The following NALCN variants were observed in gnomAD, a reference collection of about 807,000 sequenced individuals.
NALCN encodes the protein sodium leak channel NALCN.
In NALCN, 111 loss-of-function variants were observed where a neutral mutation model predicts 225.3. The ratio of observed to expected loss-of-function variants is 0.49; its 90% CI spans 0.42 to 0.58. The LOEUF (loss-of-function observed/expected upper bound fraction) is 0.58. Among genes scored for constraint, NALCN ranks in the 20% least tolerant of loss-of-function variants. NALCN has a pLI of 0.00. For synonymous variants in NALCN, 764 were observed against 769.0 expected (o/e 0.99, Z 0.11); for missense variants, 1,378 against 2,202.4 (o/e 0.63, Z 7.49).
At chr13:101,286,246 T>C (rs770413585) in intron 9 of NALCN, among the ~76,000 whole-genome samples, 5 of 152,182 alleles carry the variant, frequency 3.3e-5, no homozygotes, top group Non-Finnish European at 5.9e-5. Flanking sequence ...TTCCTTTGTA[T>C]CTCTTTTCCC....
At chr13:101,234,410 T>C (rs2041470086) in intron 12 of NALCN, among the ~76,000 whole-genome samples, 1 of 152,222 alleles carries the variant, frequency 6.6e-6, no homozygotes, top group Non-Finnish European at 1.5e-5. Flanking sequence ...TAAACATTAC[T>C]TCATTTAAAT....
At position 101,237,764 on chromosome 13, in the gene NALCN, C is replaced by G. The variant is rs370195335; in HGVS notation, c.1425G>C (p.Thr475=). Residue 475 remains threonine (T), a synonymous_variant, in exon 12 of 44, where the codon ACG becomes ACC. Transcript: ENST00000251127. ...GCATTATTTTTATTACCTGAAAGTA[C>G]GTGAATTGTGAATGATAAAGATCTG... is the stretch of plus-strand genomic sequence containing the variant. ...VYPDLYHSQF[T]YFQVLRVVRL... is the part of the protein sequence containing the mutation. 2.8e-5 allele frequency: 44 copies of G among 1,570,528 alleles called. No individual in the cohort carries two copies. Among genetic ancestry groups the G allele is most frequent in the Non-Finnish European group, 3.8e-5 (44 of 1,162,812 alleles).
At chr13:101,182,486 A>G (rs535490277) in intron 14 of NALCN, among the ~76,000 whole-genome samples, 2 of 152,172 alleles carry the variant, frequency 1.3e-5, no homozygotes, top group Non-Finnish European at 2.9e-5. Context: ...AGTAGCATAA[A>G]CCTAATTTTA....
At chr13:101,412,932 T>C (rs555583780) in intron 1 of NALCN, among the ~76,000 whole-genome samples, 1 of 152,342 alleles carries the variant, frequency 6.6e-6, no homozygotes, top group East Asian at 1.9e-4. Flanking sequence ...TTTGAACTTT[T>C]ATAGTATTCC....
chr13:101,394,941 C>T (rs561495301), intron 3 of NALCN, among the ~76,000 whole-genome samples: 1 of 152,294 alleles, frequency 6.6e-6, no homozygotes, highest in East Asian at 1.9e-4. Flanking sequence ...TTAGTCAAAC[C>T]ATCTTGTTCC....
intron 6 of NALCN, among the ~76,000 whole-genome samples, chr13:101,356,844 T>A (rs1248256041): frequency 6.6e-6 from 1 of 152,068 alleles, no homozygotes; most frequent in African/African-American, 2.4e-5. Context: ...CCCACCACAA[T>A]CAAGTCGGCT....
At chr13:101,394,803 T>C (rs2047237649) in intron 3 of NALCN, among the ~76,000 whole-genome samples, 2 of 152,230 alleles carry the variant, frequency 1.3e-5, no homozygotes, top group Middle Eastern at 3.4e-3. Flanking sequence ...AACTCTATCA[T>C]GTGACTCTGA....
chr13:101,293,203 A>C (rs2043614182), intron 7 of NALCN, among the ~76,000 whole-genome samples: 1 of 152,200 alleles, frequency 6.6e-6, no homozygotes, highest in African/African-American at 2.4e-5. Flanking sequence ...CCACACATCC[A>C]ACTGTGATGA....
At chr13:101,349,556 A>G (rs914985711) in intron 6 of NALCN, among the ~76,000 whole-genome samples, 20 of 152,102 alleles carry the variant, frequency 1.3e-4, no homozygotes, top group Non-Finnish European at 5.9e-5. Context: ...TTGGAGAGAG[A>G]TGTGAGTATG....
chr13:101,233,339 A>AT (rs35072635), intron 12 of NALCN, among the ~76,000 whole-genome samples: 5,357 of 139,906 alleles, frequency 0.038, 293 homozygotes, highest in African/African-American at 0.11. Flanking sequence ...CTTGGGAAGA[A>AT]TTTTTTTTTT....
intron 15 of NALCN, among the ~76,000 whole-genome samples, chr13:101,151,091 A>G (rs2037624018): frequency 6.6e-6 from 1 of 152,194 alleles, no homozygotes; most frequent in Non-Finnish European, 1.5e-5. Context: ...TCAAACCTTG[A>G]GCTTTAAAAC....
intron 7 of NALCN, among the ~76,000 whole-genome samples, chr13:101,316,007 T>C (rs2044540992): frequency 6.6e-6 from 1 of 152,192 alleles, no homozygotes; most frequent in Non-Finnish European, 1.5e-5. Flanking sequence ...TTCCATGTTA[T>C]GCAGTGTGTT....
chr13:101,316,082 A>G (rs1029647573), intron 7 of NALCN, among the ~76,000 whole-genome samples: 12 of 152,156 alleles, frequency 7.9e-5, no homozygotes, highest in Non-Finnish European at 1.5e-4. Context: ...TCACTAATGA[A>G]AGGAAAGAAT....
intron 1 of NALCN, among the ~76,000 whole-genome samples, chr13:101,415,975 C>T (rs951233825): frequency 6.3e-4 from 96 of 152,272 alleles, no homozygotes; most frequent in African/African-American, 1.8e-3. Context: ...GTGTCGCCGG[C>T]CCTGGGCTTC....
chr13:101,221,809 A>C (rs1420958705), intron 13 of NALCN, among the ~76,000 whole-genome samples: 1 of 152,208 alleles, frequency 6.6e-6, no homozygotes, highest in Non-Finnish European at 1.5e-5. Flanking sequence ...GCATGAAAGC[A>C]AGGTGTTCAA....
intron 34 of NALCN, among the ~76,000 whole-genome samples, chr13:101,078,173 T>A (rs966866161): frequency 1.3e-5 from 2 of 152,126 alleles, no homozygotes; most frequent in Non-Finnish European, 2.9e-5. Context: ...AGAGCCCTCA[T>A]GGAGAACCTC....
At chr13:101,238,531 C>CA (rs1319185168) in intron 11 of NALCN, among the ~76,000 whole-genome samples, 1 of 151,848 alleles carries the variant, frequency 6.6e-6, no homozygotes, top group Non-Finnish European at 1.5e-5. Context: ...TTTAATCTCT[C>CA]ACATGCATTC....
chr13:101,346,039 A>G lies in NALCN; in HGVS notation c.645-619T>C, dbSNP rs779156878. On this transcript the variant is annotated intron_variant, in intron 6 of 43. Transcript: ENST00000251127. ...AACTGTGGTAATTGGTAATATATAT[A>G]TGAGACCTTGAGAGACTTTCTCTCT... is the stretch of plus-strand genomic sequence containing the variant. 7.5e-4 allele frequency among the ~76,000 whole-genome samples: 100 copies of G among 133,922 alleles called. 1 individual carries two copies. The highest frequency in any genetic ancestry group is 1.3e-3 in the Non-Finnish European group (83 of 62,396). The allele number at this position is 133,922 out of a possible 152,430, so 87.9% of individuals were successfully genotyped here.
At chr13:101,207,636 A>G (rs2040362510) in intron 13 of NALCN, among the ~76,000 whole-genome samples, 1 of 152,164 alleles carries the variant, frequency 6.6e-6, no homozygotes. Context: ...AGGATTGTAA[A>G]TGCACCAATC....
Sources: allele counts gnomAD v4.1 joint callset (sites outside exome capture counted in the v4.1 genomes callset), GRCh38; gene constraint gnomAD v4.1.1; transcripts MANE v1.5; gene names NCBI Gene and HGNC (gene_info 2026-07-23, HGNC 2026-07-21).